Variants in ACSL5 observed in about 807,000 individuals in gnomAD.
ACSL5 encodes the protein acyl-CoA synthetase long chain family member 5, also known as long-chain-fatty-acid--CoA ligase 5.
A neutral mutation model predicts 84.9 loss-of-function variants in ACSL5; 50 were observed. That is an observed-to-expected ratio of 0.59 (90% confidence interval 0.47 to 0.75). ACSL5 has a LOEUF of 0.75. ACSL5 is among the 30% of genes least tolerant of loss of function. The probability of loss-of-function intolerance (pLI) is 0.00; values close to 1 mark genes in which losing one functional copy is unlikely to be tolerated. For synonymous variants in ACSL5, 280 were observed against 300.7 expected (o/e 0.93, Z 0.71); for missense variants, 775 against 830.4 (o/e 0.93, Z 0.82).
intron 3 of ACSL5, 57 bp downstream of exon 3, chr10:112,399,066 C>A: frequency 1.4e-6 from 2 of 1,411,128 alleles, no homozygotes; most frequent in Non-Finnish European, 2.0e-6. Flanking sequence ...TGTGGCCCAT[C>A]TCTCTTTCTC....
intron 1 of ACSL5, chr10:112,375,679 T>G (rs1364932137): frequency 6.6e-6 from 1 of 152,354 alleles, no homozygotes; most frequent in Admixed American, 6.5e-5. Flanking sequence ...CTGGTAATAC[T>G]GGGGGTGACC....
chr10:112,424,063 T>C (rs751674785), intron 17 of ACSL5, among the ~76,000 whole-genome samples: 2 of 152,258 alleles, frequency 1.3e-5, no homozygotes, highest in Non-Finnish European at 2.9e-5. Context: ...ATATCCTCCC[T>C]ATTAATTCAC....
In ACSL5 at chr10:112,390,588, G is replaced by A. The variant is rs1849538231; in HGVS notation, c.-29-4330G>A. On this transcript the variant is annotated intron_variant, in intron 1 of 20. Coordinates refer to ENST00000354655, the MANE Select transcript of ACSL5 (RefSeq NM_203379.2). Reference sequence around the variant, plus strand: ...AAACAAAAACTGTATAGAAATGCTCGTAATAGCTTTGTTCACAATATCAAA... The same window carrying A: ...AAACAAAAACTGTATAGAAATGCTCATAATAGCTTTGTTCACAATATCAAA... Among the ~76,000 whole-genome samples the A allele has an allele frequency of 2.6e-5, 4 of 152,086 alleles. No individual in the cohort carries two copies. In the South Asian group the frequency reaches 8.3e-4, roughly 31 times the overall value.
chr10:112,415,324 T>A (rs1217148831), intron 12 of ACSL5, among the ~76,000 whole-genome samples: 12 of 152,182 alleles, frequency 7.9e-5, no homozygotes, highest in Admixed American at 7.9e-4. Flanking sequence ...CTCAGCCTCC[T>A]GAGTAGCTGG....
intron 7 of ACSL5, chr10:112,410,146 C>T (rs1208450686): frequency 7.7e-7 from 1 of 1,299,014 alleles, no homozygotes; most frequent in Admixed American, 2.6e-5. Flanking sequence ...ATGTAATAAG[C>T]TCTGAAAATG....
At chr10:112,405,976 T>C (rs752463548) in intron 5 of ACSL5, among the ~76,000 whole-genome samples, 1 of 151,988 alleles carries the variant, frequency 6.6e-6, no homozygotes, top group Non-Finnish European at 1.5e-5. Context: ...AGGTTGGTCT[T>C]GCTGTCTCAG....
At chr10:112,409,727 A>G in intron 7 of ACSL5, 42 bp downstream of exon 7, 1 of 1,600,714 alleles carries the variant, frequency 6.2e-7, no homozygotes, top group Non-Finnish European at 8.5e-7. Context: ...ATGCTTGTCC[A>G]ACACCTTGGG....
intron 3 of ACSL5, among the ~76,000 whole-genome samples, chr10:112,402,865 G>C (rs1018714779): frequency 2.6e-5 from 4 of 152,108 alleles, no homozygotes; most frequent in African/African-American, 7.2e-5. Flanking sequence ...TGGCTTAGAC[G>C]TGAGGGCTTC....
At chr10:112,390,994 C>A (rs1208749757) in intron 1 of ACSL5, among the ~76,000 whole-genome samples, 4 of 152,154 alleles carry the variant, frequency 2.6e-5, no homozygotes, top group Non-Finnish European at 5.9e-5. Context: ...GTAATGGTTG[C>A]ACAACATTGT....
At chr10:112,388,800 G>A (rs1229787258) in intron 1 of ACSL5, among the ~76,000 whole-genome samples, 6 of 152,172 alleles carry the variant, frequency 3.9e-5, no homozygotes, top group Admixed American at 3.9e-4. Flanking sequence ...ATCAGAAACA[G>A]TGAGCCTCCG....
At chr10:112,384,063 G>GTAA (rs1368755224) in intron 1 of ACSL5, among the ~76,000 whole-genome samples, 1 of 151,940 alleles carries the variant, frequency 6.6e-6, no homozygotes, top group Non-Finnish European at 1.5e-5. Flanking sequence ...GCACACACCT[G>GTAA]TAATCCCAGC....
In ACSL5 at chr10:112,410,511, C is replaced by T. The variant is rs553806422; in HGVS notation, c.744+16C>T. 8.1e-6 allele frequency: 13 copies of T among 1,614,142 alleles called. No homozygotes were observed. The East Asian group carries it at 2.5e-4, about 30-fold the overall frequency. On this transcript the variant is annotated intron_variant, in intron 8 of 20. Transcript: ENST00000354655. ...AAAACCTGTGGTAAGTTTTCTTCTG[C>T]CTGAATTTGAGCCTTGCCATAGTCA... is the stretch of plus-strand genomic sequence containing the variant.
chr10:112,404,429 C>T, intron 3 of ACSL5, 82 bp from the exon 4 acceptor site: 2 of 1,029,414 alleles, frequency 1.9e-6, no homozygotes, highest in African/African-American at 1.6e-5. Flanking sequence ...TTGTGTCTTG[C>T]CCCTTCTTAA....
At chr10:112,379,504 C>T (rs1335158678) in intron 1 of ACSL5, among the ~76,000 whole-genome samples, 1 of 151,626 alleles carries the variant, frequency 6.6e-6, no homozygotes, top group African/African-American at 2.4e-5. Flanking sequence ...CATCTCTTTT[C>T]TTTTGGGACA....
At chr10:112,385,892 C>T (rs1281958121) in intron 1 of ACSL5, among the ~76,000 whole-genome samples, 1 of 152,100 alleles carries the variant, frequency 6.6e-6, no homozygotes, top group East Asian at 1.9e-4. Context: ...GAGAAAATCT[C>T]TCCATACTTT....
chr10:112,409,172 C>T (rs1844119152), intron 6 of ACSL5: 2 of 223,052 alleles, frequency 9.0e-6, no homozygotes, highest in East Asian at 9.9e-5. Flanking sequence ...TCTTCTATTC[C>T]CTACTATCCT....
At chr10:112,416,465 T>C (rs1844316269) in intron 12 of ACSL5, among the ~76,000 whole-genome samples, 1 of 109,346 alleles carries the variant, frequency 9.1e-6, no homozygotes, top group Admixed American at 1.0e-4. Flanking sequence ...AGCGAGACTC[T>C]GTCTCAAAAA....
Position 112,415,100 on chromosome 10 carries a change from T to A in ACSL5, c.1084-1788T>A, listed in dbSNP as rs546340833. ...ATTTGGTGGTTGTTATGGTTTTTGTTCATATGTTGTTGTTGTTGTACATTT... is the reference window on the plus strand; with the variant it reads ...ATTTGGTGGTTGTTATGGTTTTTGTACATATGTTGTTGTTGTTGTACATTT... On this transcript the variant is annotated intron_variant, in intron 12 of 20. Transcript: ENST00000354655. Among the ~76,000 whole-genome samples the A allele has an allele frequency of 1.4e-3, 217 of 152,374 alleles. 1 individual carries two copies. Among genetic ancestry groups the A allele is most frequent in the African/African-American group, 5.1e-3 (212 of 41,594 alleles).
chr10:112,397,199 G>A (rs947595127), intron 2 of ACSL5, among the ~76,000 whole-genome samples: 4 of 144,758 alleles, frequency 2.8e-5, no homozygotes, highest in Non-Finnish European at 6.0e-5. Context: ...AGGAAGTCTC[G>A]CTCTTGTCCC....
Sources: gnomAD v4.1 joint callset for allele counts (sites outside exome capture counted in the v4.1 genomes callset) on GRCh38, gnomAD v4.1.1 for gene constraint, MANE v1.5 for transcripts, NCBI Gene and HGNC (gene_info 2026-07-23, HGNC 2026-07-21) for gene names.